The following ROBO4 variants were observed in gnomAD, a reference collection of about 807,000 sequenced individuals.
The protein encoded by ROBO4 is roundabout homolog 4.
ROBO4 carries 80 observed loss-of-function variants against 103.3 expected under a neutral mutation model. The observed-to-expected ratio is 0.77, with a 90% CI of 0.65 to 0.93. The LOEUF (loss-of-function observed/expected upper bound fraction) is 0.93, where lower values mean the gene tolerates loss of function less well. Ranked by LOEUF, ROBO4 falls within the 40% of genes least tolerant of loss-of-function variation. The pLI is 0.00. For missense variants in ROBO4, 1,333 were observed against 1,305.3 expected (o/e 1.02, Z -0.33); for synonymous variants, 504 against 529.7 (o/e 0.95, Z 0.67).
At chr11:124,893,616 A>G in intron 10 of ROBO4, 72 bp downstream of exon 10, 1 of 1,403,602 alleles carries the variant, frequency 7.1e-7, no homozygotes, top group Non-Finnish European at 1.0e-6. Context: ...CTAGTACTCC[A>G]TTCTTCTCTG....
At chr11:124,895,014 G>T in intron 7 of ROBO4, 67 bp downstream of exon 7, 2 of 1,210,152 alleles carry the variant, frequency 1.7e-6, no homozygotes, top group Non-Finnish European at 2.5e-6. Flanking sequence ...GCAAGGGTAT[G>T]CAGAACTCCA....
At chr11:124,896,425 T>C (rs1946891716) in intron 3 of ROBO4, 88 bp downstream of exon 3, 3 of 1,591,120 alleles carry the variant, frequency 1.9e-6, no homozygotes, top group Non-Finnish European at 1.7e-6. Flanking sequence ...TACCGGAGGA[T>C]GCGGGGCTGG....
chr11:124,887,791 C>T lies in ROBO4; in HGVS notation c.1998G>A (p.Leu666=), dbSNP rs140966335. The stretch of plus-strand genomic sequence containing the variant: ...TTCCTAACTCACAGGCCCGGAGCTC[C>T]AAGGAGTGGCTGCCCCGGAGCAGTG... ...SSPLLRGSHS[L]ELRACELGNR... The change falls in exon 13 of 18, where the codon TTG becomes TTA. Residue 666 remains leucine (L), a synonymous_variant. Coordinates refer to ENST00000306534, the MANE Select transcript of ROBO4 (RefSeq NM_019055.6). The T allele has an allele frequency of 2.0e-4, 316 of 1,613,872 alleles. No individual in the cohort carries two copies. In the African/African-American group the frequency reaches 3.7e-3, roughly 19 times the overall value.
chr11:124,895,257 G>T, intron 6 of ROBO4, 64 bp from the exon 7 acceptor site: 2 of 1,359,966 alleles, frequency 1.5e-6, no homozygotes, highest in Non-Finnish European at 2.1e-6. Flanking sequence ...AAAGGAGCTG[G>T]GCTGGGGGAC....
chr11:124,893,795 C>G (rs1946834484), intron 9 of ROBO4, 65 bp from the exon 10 acceptor site: 1 of 1,612,996 alleles, frequency 6.2e-7, no homozygotes, highest in Non-Finnish European at 8.5e-7. Context: ...ATCCAAAGCC[C>G]CTGCACCATT....
In ROBO4 at chr11:124,887,660, C is replaced by T. The variant is rs1234921434; in HGVS notation, c.2056+73G>A. ...AGGAGGATGAGCCCGTGGGAGGGCC[C>T]TGGGCTGGTAAGCCCCTGCATCCCT... On this transcript the variant is annotated intron_variant, in intron 13 of 17. Coordinates refer to ENST00000306534, the MANE Select transcript of ROBO4 (RefSeq NM_019055.6). The T allele has an allele frequency of 2.1e-5, 33 of 1,548,662 alleles. No individual in the cohort carries two copies. The Admixed American group carries it at 4.7e-4, about 22-fold the overall frequency.
intron 12 of ROBO4, among the ~76,000 whole-genome samples, chr11:124,888,242 C>A (rs1344010367): frequency 1.3e-5 from 2 of 152,272 alleles, no homozygotes; most frequent in Non-Finnish European, 2.9e-5. Flanking sequence ...TCTTCCTGAT[C>A]TCTATACCCT....
intron 12 of ROBO4, among the ~76,000 whole-genome samples, chr11:124,889,811 G>A (rs551333235): frequency 1.3e-5 from 2 of 152,266 alleles, no homozygotes; most frequent in East Asian, 3.9e-4. Context: ...AACTCCATGG[G>A]TCTGGAGAAG....
Position 124,891,387 on chromosome 11 carries a change from G to A in ROBO4, c.1860C>T (p.Ser620=), listed in dbSNP as rs1432857380. Residue 620 remains serine (S), a synonymous_variant, in exon 12 of 18, where the codon AGC becomes AGT. Coordinates refer to ENST00000306534, the MANE Select transcript of ROBO4 (RefSeq NM_019055.6). Reference sequence around the variant, plus strand: ...CCCTGCGGCTGCAGAGGCTGTCTGAGCTGGAACAGGGGCTGGAGAGCTGGG... The same window carrying A: ...CCCTGCGGCTGCAGAGGCTGTCTGAACTGGAACAGGGGCTGGAGAGCTGGG... ...QLAQLSSPCS[S]SDSLCSRRGL... 1 of 1,569,230 alleles carries A rather than the reference G, an allele frequency of 6.4e-7. No homozygotes were observed. The highest frequency in any genetic ancestry group is 1.2e-5 in the South Asian group (1 of 82,344).
At chr11:124,894,566 C>A (rs1169128010) in intron 7 of ROBO4, 197 bp from the exon 8 acceptor site, 3 of 574,460 alleles carry the variant, frequency 5.2e-6, no homozygotes, top group South Asian at 2.4e-5. Flanking sequence ...TAGAAGGGCA[C>A]AAGCAAGCTG....
intron 12 of ROBO4, among the ~76,000 whole-genome samples, chr11:124,889,701 A>G (rs1946771607): frequency 6.6e-6 from 1 of 152,080 alleles, no homozygotes; most frequent in Non-Finnish European, 1.5e-5. Context: ...AACCCCAACT[A>G]AGGCCAAATA....
rs746244876 is a variant in ROBO4 at position 124,887,539 on chromosome 11, C to G, written c.2057-40G>C. On this transcript the variant is annotated intron_variant, in intron 13 of 17. Coordinates refer to ENST00000306534, the MANE Select transcript of ROBO4 (RefSeq NM_019055.6). Reference sequence around the variant, plus strand: ...CCTGGGTGTGAGAACAGTGGCATCCCCATCTGCTCTGGAGCTCAGCCTGCC... The same window carrying G: ...CCTGGGTGTGAGAACAGTGGCATCCGCATCTGCTCTGGAGCTCAGCCTGCC... The G allele has an allele frequency of 2.5e-6, 4 of 1,611,668 alleles. No individual in the cohort carries two copies. The South Asian group carries it at 3.3e-5, about 13-fold the overall frequency.
At chr11:124,891,640 C>A in intron 11 of ROBO4, 26 bp downstream of exon 11, 1 of 1,614,176 alleles carries the variant, frequency 6.2e-7, no homozygotes, top group Non-Finnish European at 8.5e-7. Flanking sequence ...CCCAGCTAGG[C>A]CCTTGCCCCC....
chr11:124,889,726 C>A (rs747380337), intron 12 of ROBO4, among the ~76,000 whole-genome samples: 6 of 152,074 alleles, frequency 3.9e-5, no homozygotes, highest in Non-Finnish European at 8.8e-5. Flanking sequence ...GAAAAAGGAA[C>A]AAGCAGGTCA....
In ROBO4 at chr11:124,891,544, C is replaced by T. The variant is rs747365967; in HGVS notation, c.1703G>A (p.Arg568Gln). Residue 568 changes from arginine to glutamine, a missense_variant, in exon 12 of 18, where the codon CGA becomes CAA. Physicochemically the swap from Arg to Gln is conservative, Grantham distance 43. Transcript: ENST00000306534. ...TGGAAGCAGGGGCACGCCGGGGCTT[C>T]GGGAGTCCCAGGAGAGCACTGTGAC... ...CRRSLLSWDSRSPGVPLLPDT... is the reference protein window; with the variant it reads ...CRRSLLSWDSQSPGVPLLPDT... 8.1e-6 allele frequency: 13 copies of T among 1,614,060 alleles called. No individual in the cohort carries two copies. The highest frequency in any genetic ancestry group is 1.6e-4 in the Middle Eastern group (1 of 6,084).
intron 16 of ROBO4, 117 bp downstream of exon 16, chr11:124,886,347 G>T: frequency 2.5e-6 from 2 of 802,746 alleles, no homozygotes; most frequent in African/African-American, 1.7e-5. Flanking sequence ...TTATCATAGT[G>T]CCTGAGATAC....
intron 1 of ROBO4, 107 bp downstream of exon 1, chr11:124,897,619 C>T: frequency 1.1e-6 from 1 of 919,000 alleles, no homozygotes; most frequent in Non-Finnish European, 1.8e-6. Context: ...TCATCCTCAT[C>T]TCTGGTCCCC....
chr11:124,892,127 GCTTGGGTAAGTACATCTGTTGCA>G, intron 10 of ROBO4: 1 of 537,210 alleles, frequency 1.9e-6, no homozygotes, highest in Non-Finnish European at 3.6e-6. Flanking sequence ...TCACAGCTTA[GCTTGGGTAAGTACATCTGTTGCA>G]CTTGGGTAAG....
In ROBO4 at chr11:124,895,789, C is replaced by T. The variant is rs763674241; in HGVS notation, c.803G>A (p.Trp268Ter). ...PKPRPAVWLS[W>*]KVSGPAAPAQ... ...CCCTTAGCACCTGGTCCTCACCTTC[C>T]AGCTGAGCCACACCGCCGGTCTAGG... The change falls in exon 5 of 18, where the codon TGG becomes TAG. Residue 268 changes from tryptophan (W) to a stop codon, truncating the protein, a stop_gained. Coordinates refer to ENST00000306534, the MANE Select transcript of ROBO4 (RefSeq NM_019055.6). LOFTEE classifies it high-confidence loss of function. 2 of 1,614,140 alleles carry T rather than the reference C, an allele frequency of 1.2e-6. No homozygotes were observed. Among genetic ancestry groups the T allele is most frequent in the Admixed American group, 3.3e-5 (2 of 60,026 alleles).
Sources: gnomAD v4.1 joint callset for allele counts (sites outside exome capture counted in the v4.1 genomes callset) on GRCh38, gnomAD v4.1.1 for gene constraint, MANE v1.5 for transcripts, NCBI Gene and HGNC (gene_info 2026-07-23, HGNC 2026-07-21) for gene names.